FASTKD1: variants seen among roughly 807,000 people sequenced by gnomAD.
FASTKD1 encodes the protein FAST kinase domain-containing protein 1, mitochondrial.
A neutral mutation model predicts 90.9 loss-of-function variants in FASTKD1; 94 were observed. That is an observed-to-expected ratio of 1.03 (90% CI 0.88 to 1.23). The LOEUF is 1.23. Ranked by LOEUF, FASTKD1 falls within the 50% of genes most tolerant of loss-of-function variation. FASTKD1 has a pLI of 0.00. For missense variants in FASTKD1, 945 were observed against 993.5 expected (o/e 0.95, Z 0.66); for synonymous variants, 319 against 345.8 (o/e 0.92, Z 0.86).
intron 2 of FASTKD1, among the ~76,000 whole-genome samples, chr2:169,570,075 C>T (rs1684164909): frequency 1.3e-5 from 2 of 151,998 alleles, no homozygotes; most frequent in Admixed American, 1.3e-4. Context: ...CTATAAATGC[C>T]AATTCTCTTA....
intron 3 of FASTKD1, among the ~76,000 whole-genome samples, chr2:169,564,313 A>C (rs1683854418): frequency 6.6e-6 from 1 of 152,170 alleles, no homozygotes; most frequent in African/African-American, 2.4e-5. Flanking sequence ...CGAAAATTTA[A>C]ATTTATCAAT....
chr2:169,561,326 G>A (rs1009285070), intron 4 of FASTKD1, among the ~76,000 whole-genome samples: 1 of 150,900 alleles, frequency 6.6e-6, no homozygotes, highest in Non-Finnish European at 1.5e-5. Context: ...AGTGGGGCAA[G>A]AAGAGCAGGA....
In FASTKD1 at chr2:169,546,572, A is replaced by G; in HGVS notation, c.1347T>C (p.Asn449=). Residue 449 remains asparagine, a synonymous_variant, in exon 8 of 15, where the codon AAT becomes AAC. Coordinates refer to ENST00000453153, the MANE Select transcript of FASTKD1 (RefSeq NM_024622.6). ...CAGATGTGGCAAAACTACTCAGGTT[A>G]TTTAGGTCACACTGTGGTAAAACGG... ...IEAVLPQCDL[N]NLSSFATSVL... is the part of the protein sequence containing the mutation. The G allele has an allele frequency of 6.2e-7, 1 of 1,614,182 alleles. No homozygotes were observed. Among genetic ancestry groups the G allele is most frequent in the South Asian group, 1.1e-5 (1 of 91,086 alleles).
intron 1 of FASTKD1, chr2:169,572,854 C>A (rs1033570014): frequency 6.6e-6 from 1 of 152,024 alleles, no homozygotes; most frequent in African/African-American, 2.4e-5. Context: ...TAAAAATATG[C>A]TATAAATGTT....
chr2:169,557,364 AAC>A (rs1459447751), intron 5 of FASTKD1, 67 bp from the exon 6 acceptor site: 2 of 810,386 alleles, frequency 2.5e-6, no homozygotes, highest in African/African-American at 3.8e-5. Context: ...TTTTTTAAAT[AAC>A]AGTTCTTGGG....
chr2:169,563,810 C>T (rs969180844), intron 3 of FASTKD1, among the ~76,000 whole-genome samples: 8 of 151,862 alleles, frequency 5.3e-5, no homozygotes, highest in African/African-American at 1.9e-4. Flanking sequence ...ATAGCAAAAC[C>T]CTGCAAAAAA....
chr2:169,562,592 C>G (rs557110457), intron 4 of FASTKD1, among the ~76,000 whole-genome samples: 139 of 152,156 alleles, frequency 9.1e-4, no homozygotes, highest in Non-Finnish European at 1.5e-3. Context: ...AATAATAATA[C>G]CTACTATCCA....
At chr2:169,540,241 T>C in intron 9 of FASTKD1, 62 bp from the exon 10 acceptor site, 1 of 1,392,544 alleles carries the variant, frequency 7.2e-7, no homozygotes, top group Non-Finnish European at 9.6e-7. Context: ...ACACTTATAA[T>C]TTATTCAGGC....
chr2:169,547,762 GTAA>G (rs1559146336), intron 7 of FASTKD1, among the ~76,000 whole-genome samples: 1 of 151,576 alleles, frequency 6.6e-6, no homozygotes, highest in African/African-American at 2.4e-5. Flanking sequence ...ATGTGCACCT[GTAA>G]TCCCAGCTAC....
chr2:169,562,099 A>AATTATTTAGTAATTTATTGTAAAT (rs1559157688), intron 4 of FASTKD1, among the ~76,000 whole-genome samples: 7 of 38,150 alleles, frequency 1.8e-4, no homozygotes, highest in Admixed American at 3.1e-4. Flanking sequence ...TTATTGTAAA[A>AATTATTTAGTAATTTATTGTAAAT]TAATTATTTA....
chr2:169,565,041 G>A (rs1244766238), intron 3 of FASTKD1, among the ~76,000 whole-genome samples: 1 of 139,198 alleles, frequency 7.2e-6, no homozygotes, highest in African/African-American at 2.7e-5. Flanking sequence ...TGCAACCTCC[G>A]CCTCCCAGGT....
chr2:169,537,703 G>A (rs1684786045), intron 11 of FASTKD1, among the ~76,000 whole-genome samples: 1 of 151,988 alleles, frequency 6.6e-6, no homozygotes, highest in South Asian at 2.1e-4. Flanking sequence ...GTTTTTTAAT[G>A]AAAATCATCC....
chr2:169,539,637 C>T (rs1284629782), intron 10 of FASTKD1, among the ~76,000 whole-genome samples: 2 of 151,820 alleles, frequency 1.3e-5, no homozygotes, highest in African/African-American at 2.4e-5. Flanking sequence ...TGGTGACACA[C>T]GCCTGTGGTC....
chr2:169,549,353 A>T (rs1685382507), intron 7 of FASTKD1, among the ~76,000 whole-genome samples: 1 of 152,096 alleles, frequency 6.6e-6, no homozygotes, highest in South Asian at 2.1e-4. Context: ...CGGTGAGCCG[A>T]GATTGTGCCA....
chr2:169,557,038 A>G, intron 6 of FASTKD1, 149 bp downstream of exon 6: 3 of 591,700 alleles, frequency 5.1e-6, no homozygotes, highest in East Asian at 3.2e-5. Context: ...AAAGAAAAAC[A>G]AAGTAGAACA....
intron 10 of FASTKD1, among the ~76,000 whole-genome samples, chr2:169,538,658 AG>A (rs1684833550): frequency 7.2e-6 from 1 of 138,192 alleles, no homozygotes; most frequent in Non-Finnish European, 1.6e-5. Context: ...CTGGGCAACA[AG>A]AGCAAAACTC....
chr2:169,538,775 A>C (rs1330754890), intron 10 of FASTKD1, among the ~76,000 whole-genome samples: 1 of 152,090 alleles, frequency 6.6e-6, no homozygotes, highest in Admixed American at 6.6e-5. Context: ...CATGTATAAC[A>C]AATCATTACT....
At chr2:169,553,639 C>T (rs1474162455) in intron 7 of FASTKD1, among the ~76,000 whole-genome samples, 5 of 152,072 alleles carry the variant, frequency 3.3e-5, no homozygotes, top group South Asian at 2.1e-4. Context: ...AAAATCAGGC[C>T]GGGCGCAGTG....
Position 169,546,361 on chromosome 2 carries a change from TTTC to T in FASTKD1, c.1555_1557del (p.Glu519del), listed in dbSNP as rs1685194409. 6.2e-7 allele frequency: 1 copy of T among 1,614,150 alleles called. No individual in the cohort carries two copies. Among genetic ancestry groups the T allele is most frequent in the Non-Finnish European group, 8.5e-7 (1 of 1,179,996 alleles). ...ATGAAATGCTGTAAAGTAGCAATCA[TTTC>T]TTCAAGAAGTGACTCAGGAAACGTG... On this transcript the variant is annotated inframe_deletion, in exon 8 of 15. Coordinates refer to ENST00000453153, the MANE Select transcript of FASTKD1 (RefSeq NM_024622.6).
Sources: gnomAD v4.1 joint callset for allele counts (sites outside exome capture counted in the v4.1 genomes callset) on GRCh38, gnomAD v4.1.1 for gene constraint, MANE v1.5 for transcripts, NCBI Gene and HGNC (gene_info 2026-07-23, HGNC 2026-07-21) for gene names.